The following TENM1 variants were observed in gnomAD, a reference collection of about 807,000 sequenced individuals.
TENM1 encodes teneurin transmembrane protein 1, also known as teneurin-1.
TENM1 carries 35 observed loss-of-function variants against 174.8 expected under a neutral mutation model. The ratio of observed to expected loss-of-function variants is 0.20; its 90% CI spans 0.15 to 0.27. TENM1 has a LOEUF of 0.27. Ranked by LOEUF, TENM1 falls within the 10% of genes least tolerant of loss-of-function variation. The pLI is 1.00. For synonymous variants in TENM1, 781 were observed against 798.7 expected (o/e 0.98, Z 0.37); for missense variants, 1,633 against 2,130.1 (o/e 0.77, Z 4.59).
upstream of TENM1, among the ~76,000 whole-genome samples, chrX:124,966,918 A>C (rs895721879): frequency 2.7e-5 from 3 of 111,457 alleles, no homozygotes; most frequent in African/African-American, 9.8e-5. Context: ...ATAAATAAAC[A>C]ACTGTTGAAA....
chrX:124,725,562 A>T (rs893088113), intron 4 of TENM1, among the ~76,000 whole-genome samples: 2 of 112,175 alleles, frequency 1.8e-5, no homozygotes, highest in Non-Finnish European at 3.8e-5. Context: ...TTGTTCTTTA[A>T]ATAAAATACT....
Position 124,740,487 on chromosome X carries a change from C to T in TENM1, c.536-3290G>A, listed in dbSNP as rs184946221. Among the ~76,000 whole-genome samples the T allele has an allele frequency of 4.0e-3, 444 of 111,388 alleles. 1 individual carries two copies. Among genetic ancestry groups the T allele is most frequent in the African/African-American group, 0.014 (415 of 30,682 alleles). ...TTTGTCTAGTCATTTAGATTATCTA[C>T]GTATAATGCATATCCATATACATAT... is the stretch of plus-strand genomic sequence containing the variant. On this transcript the variant is annotated intron_variant, in intron 3 of 31. Transcript: ENST00000422452.
the TENM1 span, among the ~76,000 whole-genome samples, chrX:125,031,318 A>AAATT: frequency 1.4e-4 from 16 of 111,340 alleles, no homozygotes; most frequent in African/African-American, 5.2e-4. Flanking sequence ...AAATTAATAT[A>AAATT]AATTAAGGAG....
chrX:124,537,755 C>A (rs1355373695), intron 15 of TENM1, among the ~76,000 whole-genome samples: 1 of 111,857 alleles, frequency 8.9e-6, no homozygotes, highest in Non-Finnish European at 1.9e-5. Flanking sequence ...GATGACAGAA[C>A]CAGCTAGAGA....
chrX:124,757,630 A>G (rs186718328), intron 3 of TENM1, among the ~76,000 whole-genome samples: 1 of 112,377 alleles, frequency 8.9e-6, no homozygotes, highest in Non-Finnish European at 1.9e-5. Flanking sequence ...CTATTCGGCC[A>G]TCTTTGTCAC....
chrX:124,927,893 C>A (rs1025694371), intron 1 of TENM1, among the ~76,000 whole-genome samples: 1 of 111,921 alleles, frequency 8.9e-6, no homozygotes, highest in African/African-American at 3.2e-5. Flanking sequence ...GATCTTAATA[C>A]CAATTATATT....
At chrX:125,001,595 T>C in the TENM1 span, among the ~76,000 whole-genome samples, 670 of 110,449 alleles carry the variant, frequency 6.1e-3, 5 homozygotes, top group African/African-American at 0.021. Flanking sequence ...AGAAACTTAG[T>C]TATGGAGATA....
intron 15 of TENM1, among the ~76,000 whole-genome samples, chrX:124,543,049 A>T: frequency 8.9e-6 from 1 of 112,376 alleles, no homozygotes; most frequent in Non-Finnish European, 1.9e-5. Flanking sequence ...CAGAAATCAC[A>T]AACTCAAATG....
intron 3 of TENM1, among the ~76,000 whole-genome samples, chrX:124,759,314 T>C (rs1282017886): frequency 9.0e-6 from 1 of 111,019 alleles, no homozygotes; most frequent in African/African-American, 3.3e-5. Flanking sequence ...TAGATAGAAA[T>C]AGTTTTTTAA....
exon 32 of TENM1, chrX:124,379,683 C>T (rs1181461134): frequency 8.9e-6 from 1 of 112,178 alleles, no homozygotes; most frequent in East Asian, 2.8e-4. Context: ...TACTGAATCA[C>T]TAATGTGAAA....
chrX:124,448,031 C>G lies in TENM1; in HGVS notation c.4104+5306G>C, dbSNP rs1245282663. Among the ~76,000 whole-genome samples, 15 of 111,654 alleles carry G rather than the reference C, an allele frequency of 1.3e-4. No individual in the cohort carries two copies. The Admixed American group carries it at 1.4e-3, about 11-fold the overall frequency. On this transcript the variant is annotated intron_variant, in intron 23 of 31. Coordinates refer to ENST00000422452, the Ensembl canonical transcript of TENM1. ...CTGAACCCATCATCCAACCATCAAG[C>G]AAACCTGCTTCTCTTCCTCTTGTAT... is the stretch of plus-strand genomic sequence containing the variant.
chrX:124,787,879 A>T (rs1172438373), intron 3 of TENM1, among the ~76,000 whole-genome samples: 1 of 112,007 alleles, frequency 8.9e-6, no homozygotes, highest in Non-Finnish European at 1.9e-5. Context: ...ATAAAGACAT[A>T]CCTGAGACTG....
At chrX:125,023,488 C>T in the TENM1 span, among the ~76,000 whole-genome samples, 1 of 110,865 alleles carries the variant, frequency 9.0e-6, no homozygotes, top group Non-Finnish European at 1.9e-5. Flanking sequence ...CTGCGTCAAC[C>T]AGGTAGATAA....
In TENM1 at chrX:124,465,368, C is replaced by T. The variant is rs1240021387; in HGVS notation, c.3950-11877G>A. 6.3e-5 allele frequency among the ~76,000 whole-genome samples: 7 copies of T among 111,420 alleles called. No individual in the cohort carries two copies. In the East Asian group the frequency reaches 1.1e-3, roughly 18 times the overall value. ...GGCTCCCGACATCATTCCCCCTCGG[C>T]CTCTCTAATAGCTGGGACCACAGGT... On this transcript the variant is annotated intron_variant, in intron 22 of 31. Coordinates refer to ENST00000422452, the Ensembl canonical transcript of TENM1.
At chrX:124,796,121 A>G (rs1386666887) in intron 3 of TENM1, among the ~76,000 whole-genome samples, 3 of 111,583 alleles carry the variant, frequency 2.7e-5, no homozygotes, top group African/African-American at 3.2e-5. Context: ...TTCTTTTTAC[A>G]AGAAATAATA....
At chrX:124,868,312 A>G (rs2057045076) in intron 3 of TENM1, among the ~76,000 whole-genome samples, 6 of 111,804 alleles carry the variant, frequency 5.4e-5, no homozygotes, top group Admixed American at 4.7e-4. Flanking sequence ...TAGAGAACCC[A>G]GAAACAAATC....
At chrX:124,917,921 G>A (rs1310248381) in intron 1 of TENM1, among the ~76,000 whole-genome samples, 2 of 111,891 alleles carry the variant, frequency 1.8e-5, no homozygotes, top group Non-Finnish European at 3.8e-5. Context: ...AATTCTCTAC[G>A]CTCTGACATC....
intron 4 of TENM1, among the ~76,000 whole-genome samples, chrX:124,736,601 T>G (rs753318517): frequency 1.8e-5 from 2 of 112,043 alleles, no homozygotes; most frequent in South Asian, 7.5e-4. Context: ...AATACTGCAG[T>G]TTTTTAAAAC....
the TENM1 span, among the ~76,000 whole-genome samples, chrX:125,097,015 T>C: frequency 1.1e-4 from 12 of 111,941 alleles, no homozygotes; most frequent in Non-Finnish European, 2.3e-4. Flanking sequence ...ACAAAGAAGA[T>C]AAAGAGTGGA....
Sources: allele counts gnomAD v4.1 joint callset (sites outside exome capture counted in the v4.1 genomes callset), GRCh38; gene constraint gnomAD v4.1.1; transcripts MANE v1.5; gene names NCBI Gene and HGNC (gene_info 2026-07-23, HGNC 2026-07-21).